The following KLHL18 variants were observed in gnomAD, a reference collection of about 807,000 sequenced individuals.
KLHL18 encodes kelch-like protein 18.
In KLHL18, 38 loss-of-function variants were observed where a neutral mutation model predicts 58.5. The ratio of observed to expected loss-of-function variants is 0.65; its 90% confidence interval spans 0.50 to 0.85. The LOEUF (loss-of-function observed/expected upper bound fraction) is 0.85, where lower values mean the gene tolerates loss of function less well. Ranked by LOEUF, KLHL18 falls within the 40% of genes least tolerant of loss-of-function variation. KLHL18 has a pLI of 0.00. For missense variants in KLHL18, 624 were observed against 778.4 expected, an observed-to-expected ratio of 0.80 and a Z score of 2.36; for synonymous variants, 303 against 301.9, an observed-to-expected ratio of 1.00 and a Z score of -0.04.
intron 7 of KLHL18, 181 bp downstream of exon 7, chr3:47,336,938 T>C (rs1425372819): frequency 1.7e-6 from 1 of 595,976 alleles, no homozygotes; most frequent in African/African-American, 1.9e-5. Flanking sequence ...AAAAGTAAAA[T>C]ATCCACCTTG....
chr3:47,319,565 G>A (rs990373311), intron 1 of KLHL18, 88 bp from the exon 2 acceptor site: 38 of 1,446,498 alleles, frequency 2.6e-5, no homozygotes, highest in African/African-American at 1.8e-4. Context: ...CTGTGGAGCC[G>A]GGCGGAGGGG....
intron 3 of KLHL18, among the ~76,000 whole-genome samples, chr3:47,327,885 G>A (rs746058001): frequency 3.3e-5 from 5 of 152,148 alleles, no homozygotes; most frequent in South Asian, 2.1e-4. Flanking sequence ...AAACCTTAAC[G>A]TCGGGGAAAA....
At chr3:47,283,712 A>T (rs1397689449) in intron 1 of KLHL18, among the ~76,000 whole-genome samples, 1 of 152,152 alleles carries the variant, frequency 6.6e-6, no homozygotes, top group African/African-American at 2.4e-5. Context: ...AGGGATGCTG[A>T]CTGATATTAA....
chr3:47,297,613 C>T (rs555568684), intron 1 of KLHL18: 3 of 456,682 alleles, frequency 6.6e-6, no homozygotes, highest in East Asian at 6.9e-5. Context: ...CACCTTTGAG[C>T]TCCCACTTTG....
At chr3:47,284,977 C>A in intron 1 of KLHL18, among the ~76,000 whole-genome samples, 1 of 152,118 alleles carries the variant, frequency 6.6e-6, no homozygotes, top group Non-Finnish European at 1.5e-5. Flanking sequence ...CGCCACCACG[C>A]CCGGCTAATT....
chr3:47,300,991 T>A (rs1703013631), intron 1 of KLHL18, among the ~76,000 whole-genome samples: 1 of 152,168 alleles, frequency 6.6e-6, no homozygotes, highest in South Asian at 2.1e-4. Context: ...GTTGGACATC[T>A]TCTTATGTGT....
At chr3:47,342,992 C>A (rs1704143251) in intron 9 of KLHL18, among the ~76,000 whole-genome samples, 162 bp downstream of exon 9, 1 of 152,128 alleles carries the variant, frequency 6.6e-6, no homozygotes, top group African/African-American at 2.4e-5. Context: ...TTCTGAACTT[C>A]CAGAGAATGA....
chr3:47,290,783 A>C (rs1702776344), intron 1 of KLHL18, among the ~76,000 whole-genome samples: 1 of 152,150 alleles, frequency 6.6e-6, no homozygotes, highest in Admixed American at 6.5e-5. Flanking sequence ...CTTTCTAATG[A>C]GCAATAAGAA....
intron 1 of KLHL18, among the ~76,000 whole-genome samples, chr3:47,319,274 G>C (rs1264130920): frequency 6.6e-6 from 1 of 152,226 alleles, no homozygotes; most frequent in African/African-American, 2.4e-5. Flanking sequence ...TAGTCCATCT[G>C]CCTGAGGTTG....
rs183877244 is a variant in KLHL18, at chr3:47,315,737, A to G, written c.130-3916A>G. On this transcript the variant is annotated intron_variant, in intron 1 of 9. Transcript: ENST00000232766. ...AAAGAAAACCTCTAACATAGAAGACAGAGATCAAAACAATTGGAAGAGAAA... is the reference window on the plus strand; with the variant it reads ...AAAGAAAACCTCTAACATAGAAGACGGAGATCAAAACAATTGGAAGAGAAA... Among the ~76,000 whole-genome samples the G allele has an allele frequency of 2.2e-3, 328 of 152,344 alleles. 1 individual carries two copies. Among genetic ancestry groups the G allele is most frequent in the Admixed American group, 4.6e-3 (71 of 15,296 alleles).
intron 5 of KLHL18, 59 bp downstream of exon 5, chr3:47,333,376 T>G (rs867798884): frequency 6.6e-7 from 1 of 1,507,274 alleles, no homozygotes; most frequent in Non-Finnish European, 9.0e-7. Context: ...GAAGAGGAGT[T>G]GGCCACCTGT....
At chr3:47,296,089 C>T (rs1380704560) in intron 1 of KLHL18, among the ~76,000 whole-genome samples, 1 of 152,152 alleles carries the variant, frequency 6.6e-6, no homozygotes, top group African/African-American at 2.4e-5. Flanking sequence ...GGGGCCTGTT[C>T]GAAGTGCAGA....
intron 1 of KLHL18, among the ~76,000 whole-genome samples, chr3:47,302,470 C>A (rs954959784): frequency 6.6e-6 from 1 of 152,032 alleles, no homozygotes; most frequent in Non-Finnish European, 1.5e-5. Flanking sequence ...GGCAACAGAG[C>A]GAGACTCTGT....
At chr3:47,327,142 G>A (rs963218892) in intron 3 of KLHL18, among the ~76,000 whole-genome samples, 2 of 149,918 alleles carry the variant, frequency 1.3e-5, no homozygotes, top group Admixed American at 1.3e-4. Flanking sequence ...GGGAGGCTGA[G>A]CCAGGAGAAT....
intron 1 of KLHL18, among the ~76,000 whole-genome samples, chr3:47,289,726 T>G (rs1266561001): frequency 6.6e-6 from 1 of 152,106 alleles, no homozygotes. Context: ...AAGGCTGCAG[T>G]GTGAGCCATA....
chr3:47,294,341 T>C (rs1326815339), intron 1 of KLHL18, among the ~76,000 whole-genome samples: 2 of 152,168 alleles, frequency 1.3e-5, no homozygotes, highest in Non-Finnish European at 2.9e-5. Context: ...GTGAGCAGAG[T>C]AGGCCAAGCC....
chr3:47,287,814 A>C (rs1358542868), intron 1 of KLHL18, among the ~76,000 whole-genome samples: 1 of 152,148 alleles, frequency 6.6e-6, no homozygotes, highest in African/African-American at 2.4e-5. Context: ...TAATAACTTA[A>C]TGGAGTTTCT....
chr3:47,333,427 T>A, intron 5 of KLHL18, 110 bp downstream of exon 5: 1 of 1,068,788 alleles, frequency 9.4e-7, no homozygotes, highest in Non-Finnish European at 1.3e-6. Context: ...ATCAGTCTAA[T>A]TCATGGCACA....
At chr3:47,336,346 AT>A (rs1177045547) in intron 6 of KLHL18, among the ~76,000 whole-genome samples, 188 bp from the exon 7 acceptor site, 2 of 152,178 alleles carry the variant, frequency 1.3e-5, no homozygotes, top group Non-Finnish European at 2.9e-5. Context: ...TCTGATTCTG[AT>A]TTTCCTTAAA....
Sources: allele counts gnomAD v4.1 joint callset (sites outside exome capture counted in the v4.1 genomes callset), GRCh38; gene constraint gnomAD v4.1.1; transcripts MANE v1.5; gene names NCBI Gene and HGNC (gene_info 2026-07-23, HGNC 2026-07-21).